Variants in DNAAF4 observed in about 807,000 individuals in gnomAD.
DNAAF4 encodes dynein axonemal assembly factor 4, also known as dynein assembly factor 4, axonemal.
In DNAAF4, 43 loss-of-function variants were observed where a neutral mutation model predicts 51.8. The ratio of observed to expected loss-of-function variants is 0.83; its 90% CI spans 0.65 to 1.07. The LOEUF (loss-of-function observed/expected upper bound fraction) is 1.07. Ranked by LOEUF, DNAAF4 falls within the 50% of genes least tolerant of loss-of-function variation. DNAAF4 has a pLI of 0.00. For missense variants in DNAAF4, 581 were observed against 493.0 expected, an observed-to-expected ratio of 1.18 and a Z score of -1.69; for synonymous variants, 194 against 165.6, an observed-to-expected ratio of 1.17 and a Z score of -1.32.
intron 6 of DNAAF4, chr15:55,443,444 T>C: frequency 3.4e-6 from 2 of 588,916 alleles, no homozygotes; most frequent in South Asian, 4.3e-5. Context: ...ATCCAGTCTA[T>C]CATTGATGGA....
chr15:55,424,943 ACAACCGTCACCTCC>A (rs1307141237), intron 7 of DNAAF4, among the ~76,000 whole-genome samples: 1 of 145,692 alleles, frequency 6.9e-6, no homozygotes, highest in Non-Finnish European at 1.5e-5. Context: ...TCGGCTCACC[ACAACCGTCACCTCC>A]CAGGTTCAAG....
intron 4 of DNAAF4, among the ~76,000 whole-genome samples, chr15:55,469,469 CA>C (rs2058218688): frequency 8.9e-6 from 1 of 112,282 alleles, no homozygotes; most frequent in Non-Finnish European, 1.8e-5. Flanking sequence ...CTATGCTTAC[CA>C]ATTCTTTTTT....
At chr15:55,476,378 A>T (rs1300256119) in intron 4 of DNAAF4, among the ~76,000 whole-genome samples, 1 of 152,102 alleles carries the variant, frequency 6.6e-6, no homozygotes, top group Non-Finnish European at 1.5e-5. Flanking sequence ...GCTTGAGACC[A>T]GGAGTTTGAA....
Position 55,498,200 on chromosome 15 carries a change from T to G in DNAAF4, c.123+7A>C. The G allele has an allele frequency of 6.2e-7, 1 of 1,613,954 alleles. No homozygotes were observed. The highest frequency in any genetic ancestry group is 1.1e-5 in the South Asian group (1 of 91,038). Reference sequence around the variant, plus strand: ...CGGAGACCGGCAGGCAAGACTTGCATTCTTACCTTCAGATAGTTTTCCGTG... The same window carrying G: ...CGGAGACCGGCAGGCAAGACTTGCAGTCTTACCTTCAGATAGTTTTCCGTG... On this transcript the variant is annotated splice_region_variant and intron_variant, in intron 2 of 9. Coordinates refer to ENST00000321149, the MANE Select transcript of DNAAF4 (RefSeq NM_130810.4).
chr15:55,436,414 T>G (rs2057611587), intron 7 of DNAAF4, among the ~76,000 whole-genome samples: 1 of 152,130 alleles, frequency 6.6e-6, no homozygotes, highest in South Asian at 2.1e-4. Context: ...TGAGCAGTCT[T>G]GCTAAATTGC....
exon 8 of DNAAF4, chr15:55,417,846 T>G: frequency 3.6e-6 from 1 of 279,690 alleles, no homozygotes. Flanking sequence ...GGTGGGGCCG[T>G]TTTATAGGAT....
chr15:55,438,786 CAA>C (rs547749322), intron 7 of DNAAF4, among the ~76,000 whole-genome samples: 3 of 103,078 alleles, frequency 2.9e-5, no homozygotes, highest in African/African-American at 3.5e-5. Context: ...CACTATCTCA[CAA>C]AAAAAAAAAA....
chr15:55,490,254 C>A (rs554282108), intron 4 of DNAAF4, among the ~76,000 whole-genome samples: 1 of 150,530 alleles, frequency 6.6e-6, no homozygotes, highest in East Asian at 1.9e-4. Context: ...TTGCCTAGGA[C>A]TAAGTGTTAG....
chr15:55,446,422 C>A (rs535284211), intron 6 of DNAAF4, among the ~76,000 whole-genome samples: 104 of 116,094 alleles, frequency 9.0e-4, no homozygotes, highest in African/African-American at 3.3e-3. Context: ...CCAGACGGGG[C>A]GGCCGGGCAG....
At chr15:55,474,320 G>A (rs1055070896) in intron 4 of DNAAF4, among the ~76,000 whole-genome samples, 1 of 152,176 alleles carries the variant, frequency 6.6e-6, no homozygotes, top group Admixed American at 6.5e-5. Flanking sequence ...CAGATCATGA[G>A]GTAAGGAGTT....
intron 6 of DNAAF4, among the ~76,000 whole-genome samples, chr15:55,445,540 G>T (rs569240920): frequency 1.4e-3 from 208 of 152,138 alleles, no homozygotes; most frequent in Admixed American, 3.4e-3. Context: ...GCCCGTTCTC[G>T]ATGGTCGCTG....
At chr15:55,488,104 C>A (rs901061454) in intron 4 of DNAAF4, among the ~76,000 whole-genome samples, 1 of 147,592 alleles carries the variant, frequency 6.8e-6, no homozygotes, top group Non-Finnish European at 1.5e-5. Context: ...GATGAAATAC[C>A]AATCTTTTTC....
chr15:55,496,049 T>TG (rs1388914914), intron 3 of DNAAF4, among the ~76,000 whole-genome samples: 4 of 152,110 alleles, frequency 2.6e-5, no homozygotes, highest in African/African-American at 9.7e-5. Context: ...CAACATATAG[T>TG]GAAACCTTGT....
At chr15:55,452,744 C>T (rs1156398469) in intron 5 of DNAAF4, among the ~76,000 whole-genome samples, 1 of 152,182 alleles carries the variant, frequency 6.6e-6, no homozygotes, top group East Asian at 1.9e-4. Flanking sequence ...GGAAATGCTT[C>T]ATCATCGAAC....
chr15:55,417,843 C>A, exon 8 of DNAAF4: 1 of 276,656 alleles, frequency 3.6e-6, no homozygotes. Context: ...AGGGGTGGGG[C>A]CGTTTTATAG....
chr15:55,437,945 ATAAG>A (rs1199004819), intron 7 of DNAAF4, among the ~76,000 whole-genome samples: 31 of 152,082 alleles, frequency 2.0e-4, no homozygotes, highest in Admixed American at 1.3e-4. Flanking sequence ...TATAGAAGTA[ATAAG>A]TAATAGGAAA....
At chr15:55,437,883 A>G (rs1330935112) in intron 7 of DNAAF4, among the ~76,000 whole-genome samples, 1 of 152,216 alleles carries the variant, frequency 6.6e-6, no homozygotes, top group Non-Finnish European at 1.5e-5. Flanking sequence ...TGAATTACAG[A>G]ACTATAAGAT....
chr15:55,483,841 T>A (rs1478509251), intron 4 of DNAAF4, among the ~76,000 whole-genome samples: 2,774 of 48,288 alleles, frequency 0.057, 298 homozygotes, highest in African/African-American at 0.17. Context: ...AGCTTTTTTT[T>A]TTTTTTTTTT....
chr15:55,430,815 ATATTT>A (rs1389805042), intron 9 of DNAAF4, 36 bp from the exon 10 acceptor site: 1 of 1,461,650 alleles, frequency 6.8e-7, no homozygotes, highest in South Asian at 1.2e-5. Context: ...AATACAATAA[ATATTT>A]TATTAGCACT....
Sources: allele counts gnomAD v4.1 joint callset (sites outside exome capture counted in the v4.1 genomes callset), GRCh38; gene constraint gnomAD v4.1.1; transcripts MANE v1.5; gene names NCBI Gene and HGNC (gene_info 2026-07-23, HGNC 2026-07-21).